The following PRKG1 variants were observed in gnomAD, a reference collection of about 807,000 sequenced individuals.
PRKG1 encodes cGMP-dependent protein kinase 1.
In PRKG1, 35 loss-of-function variants were observed where a neutral mutation model predicts 88.1. The observed-to-expected ratio is 0.40, with a 90% CI of 0.30 to 0.53. PRKG1 has a LOEUF of 0.53. PRKG1 is among the 20% of genes least tolerant of loss of function. PRKG1 has a pLI of 0.59. For synonymous variants in PRKG1, 303 were observed against 292.5 expected, an observed-to-expected ratio of 1.04 and a Z score of -0.37; for missense variants, 540 against 839.8, an observed-to-expected ratio of 0.64 and a Z score of 4.41.
At chr10:51,545,829 A>T (rs1424777142) in intron 3 of PRKG1, among the ~76,000 whole-genome samples, 2 of 152,026 alleles carry the variant, frequency 1.3e-5, no homozygotes, top group African/African-American at 4.8e-5. Context: ...TGACTTCATA[A>T]TGATTTTTGA....
intron 2 of PRKG1, among the ~76,000 whole-genome samples, chr10:51,431,773 A>AT: frequency 6.6e-6 from 1 of 152,172 alleles, no homozygotes; most frequent in Non-Finnish European, 1.5e-5. Context: ...AAAGAAGGAC[A>AT]ATTTAAATGG....
chr10:51,162,987 G>T (rs1846406207), intron 2 of PRKG1, among the ~76,000 whole-genome samples: 1 of 151,872 alleles, frequency 6.6e-6, no homozygotes, highest in Admixed American at 6.6e-5. Context: ...TCAAACTTTT[G>T]GGATTACAGA....
At chr10:51,318,009 C>T (rs1841365954) in intron 2 of PRKG1, among the ~76,000 whole-genome samples, 1 of 152,194 alleles carries the variant, frequency 6.6e-6, no homozygotes, top group Non-Finnish European at 1.5e-5. Context: ...ATCCTCTGTG[C>T]TGTGGTACCT....
At chr10:51,437,282 A>C (rs1487709761) in intron 2 of PRKG1, among the ~76,000 whole-genome samples, 1 of 152,036 alleles carries the variant, frequency 6.6e-6, no homozygotes, top group Non-Finnish European at 1.5e-5. Flanking sequence ...GAACTAGACT[A>C]TTCTGAGCCT....
At chr10:51,885,544 T>C (rs1467517332) in intron 4 of PRKG1, among the ~76,000 whole-genome samples, 1 of 152,232 alleles carries the variant, frequency 6.6e-6, no homozygotes, top group Non-Finnish European at 1.5e-5. Context: ...CATGGCTCTT[T>C]ACCGTTAGAC....
chr10:52,279,009 A>T (rs912239249), intron 12 of PRKG1, among the ~76,000 whole-genome samples: 11 of 152,162 alleles, frequency 7.2e-5, no homozygotes, highest in Non-Finnish European at 1.0e-4. Flanking sequence ...TCCATTGAGA[A>T]GGGATTTAAT....
chr10:51,472,764 A>G (rs559186322), intron 3 of PRKG1, among the ~76,000 whole-genome samples: 2 of 152,122 alleles, frequency 1.3e-5, no homozygotes, highest in Non-Finnish European at 2.9e-5. Flanking sequence ...TTTCATGAGC[A>G]CAAGTACCCA....
At chr10:51,289,793 A>G (rs10082350) in intron 2 of PRKG1, among the ~76,000 whole-genome samples, 70,622 of 151,828 alleles carry the variant, frequency 0.47, 17,920 homozygotes, top group African/African-American at 0.67. Flanking sequence ...AAACATTCAC[A>G]CAGACAACCC....
At chr10:51,220,324 G>C (rs754731309) in intron 2 of PRKG1, among the ~76,000 whole-genome samples, 3 of 152,096 alleles carry the variant, frequency 2.0e-5, no homozygotes, top group Non-Finnish European at 4.4e-5. Flanking sequence ...CCTGATTTCT[G>C]ACCTAAAGAA....
At chr10:52,115,904 A>G (rs1399526603) in intron 7 of PRKG1, among the ~76,000 whole-genome samples, 1 of 152,098 alleles carries the variant, frequency 6.6e-6, no homozygotes, top group Non-Finnish European at 1.5e-5. Flanking sequence ...CTTTAGATGA[A>G]CTAAATTTAG....
intron 7 of PRKG1, chr10:52,128,518 T>C (rs1837164162): frequency 1.0e-6 from 1 of 985,398 alleles, no homozygotes; most frequent in Non-Finnish European, 1.2e-6. Flanking sequence ...AAGATTCCAG[T>C]GACGAAGTTC....
chr10:51,629,896 C>T (rs7908605), intron 3 of PRKG1, among the ~76,000 whole-genome samples: 130,231 of 152,078 alleles, frequency 0.86, 56,732 homozygotes, highest in Middle Eastern at 0.96. Context: ...TCTTTCAAAC[C>T]CTCTGCTAAT....
chr10:51,739,717 A>T (rs10999175), intron 3 of PRKG1, among the ~76,000 whole-genome samples: 1 of 152,056 alleles, frequency 6.6e-6, no homozygotes, highest in Non-Finnish European at 1.5e-5. Context: ...TCATGGCTGT[A>T]ATCACAGCAC....
intron 5 of PRKG1, among the ~76,000 whole-genome samples, chr10:52,000,164 A>C (rs1244636356): frequency 6.6e-6 from 1 of 152,064 alleles, no homozygotes; most frequent in East Asian, 1.9e-4. Flanking sequence ...AAAAAAGCAG[A>C]GCTCAGGATG....
At chr10:51,390,176 CA>C (rs1837360158) in intron 2 of PRKG1, among the ~76,000 whole-genome samples, 1 of 152,310 alleles carries the variant, frequency 6.6e-6, no homozygotes, top group South Asian at 2.1e-4. Flanking sequence ...ATCCAAAGTG[CA>C]AAACTCTGTG....
intron 3 of PRKG1, among the ~76,000 whole-genome samples, chr10:51,695,269 T>G (rs188616470): frequency 3.5e-4 from 53 of 152,320 alleles, no homozygotes; most frequent in African/African-American, 1.2e-3. Flanking sequence ...ACCGCCAAGA[T>G]GTTGCTTATA....
intron 3 of PRKG1, among the ~76,000 whole-genome samples, chr10:51,776,957 T>C (rs1421724070): frequency 1.3e-5 from 2 of 152,194 alleles, no homozygotes; most frequent in African/African-American, 4.8e-5. Flanking sequence ...ATAGAAGCTC[T>C]CTGCTTGATA....
At chr10:51,591,998 T>G (rs1366130138) in intron 3 of PRKG1, among the ~76,000 whole-genome samples, 1 of 152,156 alleles carries the variant, frequency 6.6e-6, no homozygotes, top group African/African-American at 2.4e-5. Context: ...TAATACAGCT[T>G]CTAATTTGCC....
rs538423526 is a variant in PRKG1, at chr10:51,830,622, C to T, written c.698+25932C>T. On this transcript the variant is annotated intron_variant, in intron 4 of 17. Coordinates refer to ENST00000373980, the MANE Select transcript of PRKG1 (RefSeq NM_006258.4). ...TGTCGGCCAGGCTGGAGAGCAGTGG[C>T]ACAATCTCGGCTCACTGCAACCTCT... Among the ~76,000 whole-genome samples the T allele has an allele frequency of 1.9e-3, 262 of 140,094 alleles. 1 individual carries two copies. Among genetic ancestry groups the T allele is most frequent in the African/African-American group, 6.7e-3 (253 of 37,860 alleles). The allele number at this position is 140,094 out of a possible 152,430, so 91.9% of individuals were successfully genotyped here. A position where few individuals can be genotyped will look rare whatever the true frequency, so the allele number is the denominator to read the frequency against.
Sources: allele counts gnomAD v4.1 joint callset (sites outside exome capture counted in the v4.1 genomes callset), GRCh38; gene constraint gnomAD v4.1.1; transcripts MANE v1.5; gene names NCBI Gene and HGNC (gene_info 2026-07-23, HGNC 2026-07-21).